PRKG1: variants seen among roughly 807,000 people sequenced by gnomAD.
PRKG1 encodes the protein cGMP-dependent protein kinase 1.
Under a neutral mutation model 88.1 loss-of-function variants are expected in PRKG1, and 35 were observed. The observed-to-expected ratio is 0.40, with a 90% CI of 0.30 to 0.53. PRKG1 has a LOEUF of 0.53. Ranked by LOEUF, PRKG1 falls within the 20% of genes least tolerant of loss-of-function variation. The pLI is 0.59. For synonymous variants in PRKG1, 303 were observed against 292.5 expected (o/e 1.04, Z -0.37); for missense variants, 540 against 839.8 (o/e 0.64, Z 4.41).
intron 3 of PRKG1, among the ~76,000 whole-genome samples, chr10:51,736,097 G>T (rs1182252012): frequency 6.6e-6 from 1 of 151,162 alleles, no homozygotes; most frequent in Non-Finnish European, 1.5e-5. Flanking sequence ...TTGCCATGTT[G>T]GCCAGGCAGG....
At chr10:51,691,922 C>A (rs920649580) in intron 3 of PRKG1, among the ~76,000 whole-genome samples, 3 of 152,110 alleles carry the variant, frequency 2.0e-5, no homozygotes, top group Non-Finnish European at 4.4e-5. Flanking sequence ...ATAACATTGA[C>A]AATAATTCTA....
chr10:51,693,698 G>A (rs540916609), intron 3 of PRKG1, among the ~76,000 whole-genome samples: 12 of 152,092 alleles, frequency 7.9e-5, no homozygotes, highest in African/African-American at 2.4e-4. Flanking sequence ...CACCATGCCC[G>A]ACTCCCAAGT....
intron 2 of PRKG1, among the ~76,000 whole-genome samples, chr10:51,267,288 A>G (rs1839860589): frequency 6.6e-6 from 1 of 152,174 alleles, no homozygotes; most frequent in Non-Finnish European, 1.5e-5. Flanking sequence ...TCCCTATAGT[A>G]TATATGATTT....
chr10:52,200,909 T>G (rs918181208), intron 9 of PRKG1, among the ~76,000 whole-genome samples: 4 of 152,166 alleles, frequency 2.6e-5, no homozygotes, highest in Non-Finnish European at 5.9e-5. Flanking sequence ...AGGTTGTATT[T>G]TACTTGTTAA....
At chr10:51,774,040 T>A (rs985485488) in intron 3 of PRKG1, among the ~76,000 whole-genome samples, 1 of 152,110 alleles carries the variant, frequency 6.6e-6, no homozygotes, top group Non-Finnish European at 1.5e-5. Context: ...ACACTTTACT[T>A]ACATTATTGT....
At chr10:51,043,453 C>T (rs1435297762) in intron 1 of PRKG1, among the ~76,000 whole-genome samples, 3 of 152,152 alleles carry the variant, frequency 2.0e-5, no homozygotes, top group Non-Finnish European at 4.4e-5. Flanking sequence ...GACTACACAC[C>T]TTCCAACCTA....
intron 2 of PRKG1, among the ~76,000 whole-genome samples, chr10:51,414,414 G>A (rs1262341182): frequency 6.6e-6 from 1 of 152,156 alleles, no homozygotes; most frequent in Non-Finnish European, 1.5e-5. Flanking sequence ...GGAATAAATA[G>A]TACAGTTAAT....
chr10:51,163,723 A>G (rs1489383473), intron 2 of PRKG1, among the ~76,000 whole-genome samples: 2 of 152,160 alleles, frequency 1.3e-5, no homozygotes, highest in Non-Finnish European at 1.5e-5. Context: ...GGCTTAAAAA[A>G]CGGCGCACCA....
chr10:51,152,411 T>G, intron 1 of PRKG1, among the ~76,000 whole-genome samples: 1 of 152,098 alleles, frequency 6.6e-6, no homozygotes, highest in Non-Finnish European at 1.5e-5. Context: ...TGTAAAGAAC[T>G]GTTGCATTTC....
chr10:52,209,586 A>G (rs903423323), intron 9 of PRKG1, among the ~76,000 whole-genome samples: 1 of 152,132 alleles, frequency 6.6e-6, no homozygotes, highest in African/African-American at 2.4e-5. Flanking sequence ...CTTTTTTCAC[A>G]AAAAATATTA....
chr10:51,897,115 C>T (rs750032751), intron 4 of PRKG1, among the ~76,000 whole-genome samples: 2 of 152,132 alleles, frequency 1.3e-5, no homozygotes, highest in Non-Finnish European at 2.9e-5. Flanking sequence ...AATGCCAAAT[C>T]ATCCAGTTAA....
intron 5 of PRKG1, among the ~76,000 whole-genome samples, chr10:51,924,364 CTCT>C (rs1483295343): frequency 2.0e-5 from 3 of 152,034 alleles, no homozygotes; most frequent in African/African-American, 7.2e-5. Flanking sequence ...CTACTCTATT[CTCT>C]TCTTGCTTGT....
rs540771735 is a variant in PRKG1, at chr10:51,665,278, A to G, written c.593-139307A>G. 7.0e-4 allele frequency among the ~76,000 whole-genome samples: 106 copies of G among 152,310 alleles called. 2 individuals carry two copies. The South Asian group carries it at 0.021, about 30-fold the overall frequency. The stretch of plus-strand genomic sequence containing the variant: ...GATTTTGACAGATAAAAATTAAAAT[A>G]AGAGGGTACCTAATTTGCGGTATGA... On this transcript the variant is annotated intron_variant, in intron 3 of 17. Coordinates refer to ENST00000373980, the MANE Select transcript of PRKG1 (RefSeq NM_006258.4).
At chr10:51,918,501 T>C (rs1049934137) in intron 5 of PRKG1, among the ~76,000 whole-genome samples, 3 of 152,192 alleles carry the variant, frequency 2.0e-5, no homozygotes, top group African/African-American at 7.2e-5. Context: ...CTGCTTGTAA[T>C]TCATTAAAAT....
chr10:51,441,430 G>C (rs1236959523), intron 2 of PRKG1, among the ~76,000 whole-genome samples: 1 of 151,766 alleles, frequency 6.6e-6, no homozygotes, highest in African/African-American at 2.4e-5. Context: ...TATGATACTT[G>C]TTTCAAAATT....
At chr10:51,013,026 T>C (rs117386201) in intron 1 of PRKG1, among the ~76,000 whole-genome samples, 3,447 of 152,350 alleles carry the variant, frequency 0.023, 67 homozygotes, top group Admixed American at 0.042. Context: ...GCTGGAATAC[T>C]GCAGTGGGTG....
At chr10:51,417,079 TTTC>T (rs1385381660) in intron 2 of PRKG1, among the ~76,000 whole-genome samples, 3 of 152,228 alleles carry the variant, frequency 2.0e-5, no homozygotes, top group African/African-American at 7.2e-5. Flanking sequence ...ACATATTATG[TTTC>T]TTAACATATT....
At chr10:51,670,301 C>T (rs941195883) in intron 3 of PRKG1, among the ~76,000 whole-genome samples, 7 of 151,836 alleles carry the variant, frequency 4.6e-5, no homozygotes, top group African/African-American at 1.7e-4. Flanking sequence ...TTGAAGTATA[C>T]GTACAGCATT....
chr10:51,500,267 T>C (rs1452805813), intron 3 of PRKG1, among the ~76,000 whole-genome samples: 1 of 152,214 alleles, frequency 6.6e-6, no homozygotes, highest in East Asian at 1.9e-4. Context: ...TTCTGAATAA[T>C]GTTTCCACTT....
Sources: allele counts gnomAD v4.1 joint callset (sites outside exome capture counted in the v4.1 genomes callset), GRCh38; gene constraint gnomAD v4.1.1; transcripts MANE v1.5; gene names NCBI Gene and HGNC (gene_info 2026-07-23, HGNC 2026-07-21).